Variants in NFAT5 observed in about 807,000 individuals in gnomAD.
The protein encoded by NFAT5 is nuclear factor of activated T cells 5, also known as nuclear factor of activated T-cells 5.
NFAT5 carries 31 observed loss-of-function variants against 166.5 expected under a neutral mutation model. The ratio of observed to expected loss-of-function variants is 0.19; its 90% CI spans 0.14 to 0.25. NFAT5 has a LOEUF of 0.25. NFAT5 is among the 10% of genes least tolerant of loss of function. The pLI, the probability that NFAT5 is intolerant of heterozygous loss-of-function variation, is 1.00. For missense variants in NFAT5, 1,449 were observed against 1,821.8 expected (o/e 0.80, Z 3.72); for synonymous variants, 612 against 639.7 (o/e 0.96, Z 0.65).
At position 69,574,443 on chromosome 16, in the gene NFAT5, ATAAAC is replaced by A. The variant is rs1352496843; in HGVS notation, c.127+5899_127+5903del. Among the ~76,000 whole-genome samples the A allele has an allele frequency of 8.5e-5, 13 of 152,276 alleles. No individual in the cohort carries two copies. The East Asian group carries it at 2.5e-3, about 29-fold the overall frequency. Reference sequence around the variant, plus strand: ...TTGTGTTAATAAAAGTCAAGTTTAAATAAACTAACAGAGTATAAGACCAATGATAA... The same window carrying A: ...TTGTGTTAATAAAAGTCAAGTTTAAATAACAGAGTATAAGACCAATGATAA... On this transcript the variant is annotated intron_variant, in intron 2 of 14. Coordinates refer to ENST00000349945, the MANE Select transcript of NFAT5 (RefSeq NM_138713.4).
chr16:69,669,953 T>C (rs748460346), intron 7 of NFAT5, 24 bp from the exon 8 acceptor site: 3 of 1,535,300 alleles, frequency 2.0e-6, no homozygotes, highest in South Asian at 2.6e-5. Flanking sequence ...GTTCTTCTTA[T>C]AGAATGCTTA....
chr16:69,568,660 C>T, intron 2 of NFAT5, 112 bp downstream of exon 2: 1 of 769,704 alleles, frequency 1.3e-6, no homozygotes, highest in Non-Finnish European at 2.0e-6. Context: ...ATGTAGTTTT[C>T]TCCTAAAGAG....
At chr16:69,578,508 C>T (rs923417207) in intron 2 of NFAT5, among the ~76,000 whole-genome samples, 2 of 152,154 alleles carry the variant, frequency 1.3e-5, no homozygotes, top group African/African-American at 4.8e-5. Context: ...AGACTGATTA[C>T]ATAACTCAAA....
At chr16:69,664,897 C>A (rs1474555575) in intron 7 of NFAT5, among the ~76,000 whole-genome samples, 8 of 151,936 alleles carry the variant, frequency 5.3e-5, no homozygotes, top group Admixed American at 5.2e-4. Context: ...CTTGGTGGTG[C>A]ATACCTGTAA....
intron 2 of NFAT5, among the ~76,000 whole-genome samples, chr16:69,620,771 C>A (rs1032700583): frequency 2.6e-5 from 4 of 152,154 alleles, no homozygotes; most frequent in Admixed American, 6.5e-5. Context: ...CCAGCTCTTA[C>A]ATTAATCCTT....
intron 2 of NFAT5, among the ~76,000 whole-genome samples, chr16:69,610,227 C>T (rs959239116): frequency 6.6e-6 from 1 of 151,966 alleles, no homozygotes; most frequent in Non-Finnish European, 1.5e-5. Flanking sequence ...GAAGATAGGA[C>T]GTGAGGGGAC....
chr16:69,589,139 C>A (rs1297162225), intron 2 of NFAT5, among the ~76,000 whole-genome samples: 1 of 152,008 alleles, frequency 6.6e-6, no homozygotes, highest in Non-Finnish European at 1.5e-5. Flanking sequence ...GGATTACAGG[C>A]ATGTGCCACC....
intron 2 of NFAT5, among the ~76,000 whole-genome samples, chr16:69,606,165 A>G (rs2033396989): frequency 6.6e-6 from 1 of 152,086 alleles, no homozygotes; most frequent in Non-Finnish European, 1.5e-5. Context: ...GGGACCACTC[A>G]CTGTTCTCGT....
intron 2 of NFAT5, among the ~76,000 whole-genome samples, chr16:69,588,625 A>G (rs1415716543): frequency 1.3e-5 from 2 of 152,264 alleles, no homozygotes; most frequent in Non-Finnish European, 2.9e-5. Context: ...GCTACTTACC[A>G]GAATCATCAA....
chr16:69,568,292 C>A (rs1431786056), intron 1 of NFAT5, among the ~76,000 whole-genome samples: 1 of 151,430 alleles, frequency 6.6e-6, no homozygotes, highest in Admixed American at 6.6e-5. Flanking sequence ...TGCACTCCAG[C>A]CTGGGCAAAA....
At chr16:69,640,556 A>C (rs143626442) in intron 3 of NFAT5, among the ~76,000 whole-genome samples, 4 of 152,222 alleles carry the variant, frequency 2.6e-5, no homozygotes, top group African/African-American at 9.6e-5. Flanking sequence ...TTCTTCTTTA[A>C]TCTGAAAATA....
intron 3 of NFAT5, among the ~76,000 whole-genome samples, chr16:69,642,820 A>AAAAAG (rs148109888): frequency 8.6e-5 from 13 of 151,648 alleles, no homozygotes; most frequent in African/African-American, 2.4e-4. Flanking sequence ...GTGTCTCAAA[A>AAAAAG]AAAAGAAAAG....
intron 3 of NFAT5, among the ~76,000 whole-genome samples, chr16:69,633,883 A>G (rs926788357): frequency 2.5e-4 from 38 of 151,998 alleles, no homozygotes; most frequent in Admixed American, 6.6e-4. Flanking sequence ...GGATATGTTA[A>G]TTACCTTGAT....
At chr16:69,659,968 T>C (rs1179278467) in intron 7 of NFAT5, 69 bp downstream of exon 7, 1 of 1,310,722 alleles carries the variant, frequency 7.6e-7, no homozygotes, top group Non-Finnish European at 1.0e-6. Flanking sequence ...CTTTTAGACA[T>C]CTCTAAATTT....
At chr16:69,581,964 A>T (rs1377482874) in intron 2 of NFAT5, among the ~76,000 whole-genome samples, 1 of 152,172 alleles carries the variant, frequency 6.6e-6, no homozygotes, top group Non-Finnish European at 1.5e-5. Context: ...TTCTCACTTT[A>T]AAATTGGGTT....
intron 11 of NFAT5, among the ~76,000 whole-genome samples, chr16:69,687,805 G>A (rs1330607533): frequency 6.6e-6 from 1 of 152,076 alleles, no homozygotes; most frequent in East Asian, 1.9e-4. Context: ...GACATTTTTA[G>A]ATCAAAAATA....
rs775265097 is a variant in NFAT5, at chr16:69,693,539, T to A, written c.3714T>A (p.Pro1238=). ...AGGTGGCCCTGGGCTCCCTTCCACC[T>A]AATCCAATGCCTCAAAGCCAACAAG... ...QPQVALGSLP[P]NPMPQSQQGT... The change falls in exon 13 of 15, where the codon CCT becomes CCA. Residue 1238 remains proline (P), a synonymous_variant. Transcript: ENST00000349945. 1 of 1,614,126 alleles carries A rather than the reference T, an allele frequency of 6.2e-7. No individual in the cohort carries two copies.
At chr16:69,679,081 A>G (rs1183418991) in intron 10 of NFAT5, among the ~76,000 whole-genome samples, 2 of 151,968 alleles carry the variant, frequency 1.3e-5, no homozygotes, top group Non-Finnish European at 2.9e-5. Context: ...CACTACAGGC[A>G]TGCACCACCA....
At chr16:69,569,592 T>C (rs1391966879) in intron 2 of NFAT5, among the ~76,000 whole-genome samples, 2 of 152,194 alleles carry the variant, frequency 1.3e-5, no homozygotes, top group Non-Finnish European at 2.9e-5. Flanking sequence ...TTCTGTGACT[T>C]CGGGCAAGTG....
Sources: gnomAD v4.1 joint callset for allele counts (sites outside exome capture counted in the v4.1 genomes callset) on GRCh38, gnomAD v4.1.1 for gene constraint, MANE v1.5 for transcripts, NCBI Gene and HGNC (gene_info 2026-07-23, HGNC 2026-07-21) for gene names.